Variants in HERC2 observed in about 807,000 individuals in gnomAD.
The protein encoded by HERC2 is E3 ubiquitin-protein ligase HERC2.
HERC2 carries 102 observed loss-of-function variants against 537.7 expected under a neutral mutation model. The observed-to-expected ratio is 0.19, with a 90% CI of 0.16 to 0.22. The LOEUF is 0.22. Among genes scored for constraint, HERC2 ranks in the 10% least tolerant of loss-of-function variants. HERC2 has a pLI of 1.00. For missense variants in HERC2, 4,236 were observed against 6,198.2 expected (o/e 0.68, Z 10.63); for synonymous variants, 2,224 against 2,466.2 (o/e 0.90, Z 2.91).
chr15:28,177,345 G>A lies in HERC2; in HGVS notation c.9254+74C>T. On this transcript the variant is annotated intron_variant, in intron 60 of 92. Coordinates refer to ENST00000261609, the MANE Select transcript of HERC2 (RefSeq NM_004667.6). This position sits in a 1 kb window ranked among gnomAD's most constrained non-coding sequence, Gnocchi z 5.0. ...ATAATCTATTCTATTCTAATTTTCTGCAAAATAATTCTCAAGAGTATCAGT... is the reference window on the plus strand; with the variant it reads ...ATAATCTATTCTATTCTAATTTTCTACAAAATAATTCTCAAGAGTATCAGT... 6.8e-7 allele frequency: 1 copy of A among 1,467,180 alleles called. No individual in the cohort carries two copies. The highest frequency in any genetic ancestry group is 9.5e-7 in the Non-Finnish European group (1 of 1,051,780). The allele number at this position is 1,467,180 out of a possible 1,614,324, so 90.9% of individuals were successfully genotyped here.
chr15:28,200,514 A>G (rs1282448180), intron 48 of HERC2, among the ~76,000 whole-genome samples: 1 of 152,122 alleles, frequency 6.6e-6, no homozygotes, highest in African/African-American at 2.4e-5. Flanking sequence ...TGAGAAATAA[A>G]TGTCTGTTGT....
At chr15:28,188,374 A>C (rs911231949) in intron 55 of HERC2, among the ~76,000 whole-genome samples, 1 of 152,110 alleles carries the variant, frequency 6.6e-6, no homozygotes, top group Non-Finnish European at 1.5e-5. Context: ...CCCCGTCTCT[A>C]CTAAAAATAC....
At chr15:28,119,942 T>G (rs7496724) in intron 86 of HERC2, among the ~76,000 whole-genome samples, 3,801 of 152,208 alleles carry the variant, frequency 0.025, 150 homozygotes, top group African/African-American at 0.087. Context: ...TTATCAAAAC[T>G]TCACTGATTC....
intron 12 of HERC2, among the ~76,000 whole-genome samples, chr15:28,267,929 A>G (rs1410146580): frequency 2.6e-5 from 4 of 152,256 alleles, no homozygotes; most frequent in Admixed American, 2.0e-4. Flanking sequence ...ACAGCAAAGT[A>G]CAAGAGGGTT....
intron 4 of HERC2, among the ~76,000 whole-genome samples, chr15:28,287,867 G>A (rs1413970517): frequency 1.3e-5 from 2 of 151,784 alleles, no homozygotes; most frequent in African/African-American, 4.8e-5. Flanking sequence ...GGGACTACAG[G>A]TGCCCACCAC....
chr15:28,218,534 C>T lies in HERC2; in HGVS notation c.5983G>A (p.Gly1995Arg). The T allele has an allele frequency of 1.3e-6, 2 of 1,597,492 alleles. No homozygotes were observed. Among genetic ancestry groups the T allele is most frequent in the Non-Finnish European group, 1.7e-6 (2 of 1,179,736 alleles). Residue 1995 changes from glycine (G) to arginine (R), a missense_variant, in exon 38 of 93, where the codon GGA (glycine) becomes AGA (arginine). By Grantham distance (125) the Gly-to-Arg change is moderately radical. Transcript: ENST00000261609. The part of the protein sequence containing the change: ...MQSEATKTLC[G>R]LLRMLVESGT... ...CTTTCCACTAACATTCGCAGCAGTC[C>T]GCATAAAGTCTTGGTGGCTTCGCTC...
At chr15:28,158,271 G>C (rs1035839933) in intron 69 of HERC2, among the ~76,000 whole-genome samples, 2 of 152,168 alleles carry the variant, frequency 1.3e-5, no homozygotes, top group African/African-American at 4.8e-5. Context: ...GCAGAGCTGA[G>C]TTCAGTTCCT....
chr15:28,143,458 T>C (rs1399760213), intron 74 of HERC2, among the ~76,000 whole-genome samples: 1 of 151,904 alleles, frequency 6.6e-6, no homozygotes, highest in Non-Finnish European at 1.5e-5. Context: ...CATTTATTTA[T>C]TTTTTTTGAG....
intron 69 of HERC2, among the ~76,000 whole-genome samples, chr15:28,157,843 T>G (rs1374611485): frequency 6.6e-6 from 1 of 152,212 alleles, no homozygotes; most frequent in Non-Finnish European, 1.5e-5. Flanking sequence ...AGGGTGTCAA[T>G]TTTAGATCTT....
chr15:28,220,829 CAGTT>C lies in HERC2; in HGVS notation c.5653-189_5653-186del, dbSNP rs527835368. 2.8e-3 allele frequency among the ~76,000 whole-genome samples: 414 copies of C among 149,470 alleles called. 1 individual carries two copies. The highest frequency in any genetic ancestry group is 9.9e-3 in the African/African-American group (401 of 40,458). ...TCCTTCCATAGCTCCCACCAGACCT[CAGTT>C]AGGAGGGTGCGTGCCCTGCCCTGGT... On this transcript the variant is annotated intron_variant, in intron 36 of 92. Transcript: ENST00000261609.
At chr15:28,270,287 A>G (rs2075685358) in intron 10 of HERC2, among the ~76,000 whole-genome samples, 1 of 151,232 alleles carries the variant, frequency 6.6e-6, no homozygotes, top group African/African-American at 2.4e-5. Flanking sequence ...ACAGACATGT[A>G]ATATAGATAT....
At chr15:28,185,018 T>A (rs1896171077) in intron 56 of HERC2, among the ~76,000 whole-genome samples, 1 of 45,854 alleles carries the variant, frequency 2.2e-5, no homozygotes, top group Non-Finnish European at 4.6e-5. Context: ...ACTGGTATTG[T>A]CCCTATTTAA....
intron 19 of HERC2, 112 bp downstream of exon 19, chr15:28,255,760 G>T: frequency 8.8e-7 from 1 of 1,135,300 alleles, no homozygotes; most frequent in Non-Finnish European, 1.2e-6. Flanking sequence ...AAAAATACTT[G>T]GATATGATAA....
At chr15:28,310,849 G>C (rs534061986) in intron 2 of HERC2, among the ~76,000 whole-genome samples, 1 of 152,044 alleles carries the variant, frequency 6.6e-6, no homozygotes, top group South Asian at 2.1e-4. Context: ...AGGCCGAAGC[G>C]GGTGGATCAT....
At chr15:28,254,895 T>C (rs1596330638) in intron 19 of HERC2, among the ~76,000 whole-genome samples, 2 of 152,310 alleles carry the variant, frequency 1.3e-5, no homozygotes, top group East Asian at 1.9e-4. Flanking sequence ...CTTGTTCAAA[T>C]GTAAATGGCA....
Position 28,177,244 on chromosome 15 carries a change from CAAAACTT to C in HERC2, c.9255-124_9255-118del. 2.3e-6 allele frequency: 3 copies of C among 1,284,880 alleles called. No individual in the cohort carries two copies. The highest frequency in any genetic ancestry group is 3.2e-6 in the Non-Finnish European group (3 of 924,848). 79.6% of individuals were successfully genotyped at this position (1,284,880 alleles called of 1,614,324 possible). A position where few individuals can be genotyped will look rare whatever the true frequency, so the allele number is the denominator to read the frequency against. On this transcript the variant is annotated intron_variant, in intron 60 of 92. Coordinates refer to ENST00000261609, the MANE Select transcript of HERC2 (RefSeq NM_004667.6). The surrounding 1 kb of genome is among the most constrained non-coding windows in gnomAD (Gnocchi z 5.0). ...AACACAGGATCCACAGATCAACTAT[CAAAACTT>C]AAAGCAGAACCGGTGAGACCAAAAC...
chr15:28,161,380 T>C (rs1893575006), intron 69 of HERC2, among the ~76,000 whole-genome samples: 2 of 152,144 alleles, frequency 1.3e-5, no homozygotes, highest in Non-Finnish European at 2.9e-5. Context: ...GAGTAAGACT[T>C]TCCTCCACAC....
At chr15:28,293,969 C>T (rs2076392528) in intron 3 of HERC2, among the ~76,000 whole-genome samples, 1 of 152,236 alleles carries the variant, frequency 6.6e-6, no homozygotes, top group Admixed American at 6.5e-5. Context: ...AAGGCTGTGA[C>T]TAAATGTCTA....
chr15:28,167,864 G>C (rs1264320067), intron 67 of HERC2, 37 bp from the exon 68 acceptor site: 1 of 1,571,612 alleles, frequency 6.4e-7, no homozygotes, highest in East Asian at 2.3e-5. Flanking sequence ...AGTTTAAGTG[G>C]AAAAACTCAG....
Sources: allele counts gnomAD v4.1 joint callset (sites outside exome capture counted in the v4.1 genomes callset), GRCh38; gene constraint gnomAD v4.1.1; non-coding constraint Gnocchi (gnomAD v3.1); transcripts MANE v1.5; gene names NCBI Gene and HGNC (gene_info 2026-07-23, HGNC 2026-07-21).